The following CYP20A1 variants were observed in gnomAD, a reference collection of about 807,000 sequenced individuals.
The protein encoded by CYP20A1 is cytochrome P450 family 20 subfamily A member 1, also known as cytochrome P450 20A1.
A neutral mutation model predicts 61.4 loss-of-function variants in CYP20A1; 61 were observed. The observed-to-expected ratio is 0.99, with a 90% CI of 0.81 to 1.23. The LOEUF is 1.23. Ranked by LOEUF, CYP20A1 falls within the 50% of genes most tolerant of loss-of-function variation. The probability of loss-of-function intolerance (pLI) is 0.00; values close to 1 mark genes in which losing one functional copy is unlikely to be tolerated. For missense variants in CYP20A1, 530 were observed against 542.4 expected, an observed-to-expected ratio of 0.98 and a Z score of 0.23; for synonymous variants, 193 against 188.2, an observed-to-expected ratio of 1.03 and a Z score of -0.21.
intron 1 of CYP20A1, among the ~76,000 whole-genome samples, chr2:203,244,915 G>C (rs530106646): frequency 1.1e-4 from 16 of 151,762 alleles, no homozygotes; most frequent in Non-Finnish European, 1.5e-4. Context: ...TGTATTTTTA[G>C]TAGAGACGGG....
chr2:203,279,981 C>A, intron 7 of CYP20A1, 78 bp from the exon 8 acceptor site: 3 of 882,216 alleles, frequency 3.4e-6, no homozygotes, highest in South Asian at 4.7e-5. Context: ...TAATTTTATG[C>A]TGTAGATTAT....
In CYP20A1 at chr2:203,274,872, A is replaced by G. The variant is rs561338804; in HGVS notation, c.679+2124A>G. 2.6e-4 allele frequency among the ~76,000 whole-genome samples: 40 copies of G among 152,384 alleles called. 1 individual carries two copies. The highest frequency in any genetic ancestry group is 3.5e-4 in the Non-Finnish European group (24 of 68,042). On this transcript the variant is annotated intron_variant, in intron 6 of 12. Transcript: ENST00000356079. ...AATGTATTTCAGAAATATTGGTTAA[A>G]TTAACATGAAATGAAAATAATTTAT...
At chr2:203,256,406 CT>C in intron 4 of CYP20A1, among the ~76,000 whole-genome samples, 1 of 152,248 alleles carries the variant, frequency 6.6e-6, no homozygotes, top group Middle Eastern at 3.4e-3. Context: ...GTCTGCCAGG[CT>C]GGAGTGCAGT....
At chr2:203,257,972 G>C (rs2066970675) in intron 4 of CYP20A1, among the ~76,000 whole-genome samples, 1 of 152,182 alleles carries the variant, frequency 6.6e-6, no homozygotes, top group Non-Finnish European at 1.5e-5. Context: ...CACAATTATA[G>C]CTCACTGGAG....
chr2:203,241,831 A>T (rs1452773776), intron 1 of CYP20A1, among the ~76,000 whole-genome samples: 3 of 152,010 alleles, frequency 2.0e-5, no homozygotes, highest in African/African-American at 7.2e-5. Context: ...CACCTGGCTA[A>T]TTTTTAAATT....
chr2:203,249,350 A>G (rs1659211406), intron 3 of CYP20A1, among the ~76,000 whole-genome samples: 1 of 152,194 alleles, frequency 6.6e-6, no homozygotes, highest in Non-Finnish European at 1.5e-5. Context: ...CTGTCTCTAA[A>G]TTAAAAACAA....
intron 5 of CYP20A1, among the ~76,000 whole-genome samples, chr2:203,271,656 C>T (rs1207074633): frequency 6.6e-6 from 1 of 152,092 alleles, no homozygotes; most frequent in Non-Finnish European, 1.5e-5. Context: ...TTTTTCTTTA[C>T]CTCAGCCAAT....
intron 8 of CYP20A1, among the ~76,000 whole-genome samples, chr2:203,283,866 G>A (rs2068152074): frequency 6.6e-6 from 1 of 152,062 alleles, no homozygotes; most frequent in African/African-American, 2.4e-5. Context: ...AATTTTAAGT[G>A]ATAATATAGT....
chr2:203,252,896 C>G (rs1466036542), intron 4 of CYP20A1, among the ~76,000 whole-genome samples: 1 of 152,238 alleles, frequency 6.6e-6, no homozygotes, highest in African/African-American at 2.4e-5. Context: ...CTTCCCCACT[C>G]CTAGTTCCTA....
At chr2:203,278,187 T>C (rs553787356) in intron 6 of CYP20A1, among the ~76,000 whole-genome samples, 40 of 152,228 alleles carry the variant, frequency 2.6e-4, no homozygotes, top group Admixed American at 6.5e-4. Context: ...GATGGGAGAA[T>C]CACCTGAGCC....
intron 11 of CYP20A1, among the ~76,000 whole-genome samples, chr2:203,294,869 G>C (rs189658326): frequency 6.7e-6 from 1 of 149,582 alleles, no homozygotes; most frequent in Non-Finnish European, 1.5e-5. Context: ...TTTTGACCTC[G>C]TGATCACCTG....
chr2:203,292,301 C>T lies in CYP20A1; in HGVS notation c.1123C>T (p.Pro375Ser). 6.2e-7 allele frequency: 1 copy of T among 1,612,790 alleles called. No homozygotes were observed. Among genetic ancestry groups the T allele is most frequent in the Non-Finnish European group, 8.5e-7 (1 of 1,179,284 alleles). ...TGCCCTTGGTGTGGTACTTCAGGATCCTAATACTTGGCCATCTCCACACAA... is the reference window on the plus strand; with the variant it reads ...TGCCCTTGGTGTGGTACTTCAGGATTCTAATACTTGGCCATCTCCACACAA... ...LYALGVVLQD[P>S]NTWPSPHKFD... The change falls in exon 11 of 13, where the codon CCT becomes TCT. Residue 375 changes from proline (P) to serine (S), a missense_variant. Pro to Ser is a moderately conservative substitution (Grantham distance 74, BLOSUM62 -1). Coordinates refer to ENST00000356079, the MANE Select transcript of CYP20A1 (RefSeq NM_177538.3).
At chr2:203,258,924 A>C (rs2105930385) in intron 4 of CYP20A1, among the ~76,000 whole-genome samples, 1 of 152,308 alleles carries the variant, frequency 6.6e-6, no homozygotes, top group Middle Eastern at 3.4e-3. Flanking sequence ...TTTTGTATTT[A>C]ATTGTGTATC....
At position 203,300,944 on chromosome 2, in the gene CYP20A1, C is replaced by A. The variant is rs555284477; in HGVS notation, c.*4036C>A. 4.3e-4 allele frequency among the ~76,000 whole-genome samples: 64 copies of A among 147,220 alleles called. No homozygotes were observed. The highest frequency in any genetic ancestry group is 1.5e-3 in the African/African-American group (58 of 39,960). The stretch of plus-strand genomic sequence containing the variant: ...AGGCGAGGTGGCTCACACCTGTAAT[C>A]CCAGCACTTTGGGAGGCTGAGGCGG... On this transcript the variant is annotated 3_prime_UTR_variant, in exon 13 of 13. Transcript: ENST00000356079.
chr2:203,281,307 G>T (rs1054001851), intron 8 of CYP20A1, among the ~76,000 whole-genome samples: 2 of 151,926 alleles, frequency 1.3e-5, no homozygotes, highest in Non-Finnish European at 2.9e-5. Context: ...AGAAATTTGG[G>T]ACCAGCCTGG....
At chr2:203,266,404 C>T in intron 4 of CYP20A1, 110 bp from the exon 5 acceptor site, 1 of 909,396 alleles carries the variant, frequency 1.1e-6, no homozygotes, top group East Asian at 2.6e-5. Context: ...TGAATGTTGA[C>T]TTTGGTTACA....
chr2:203,251,797 A>G (rs1320470696), intron 3 of CYP20A1, among the ~76,000 whole-genome samples, 170 bp from the exon 4 acceptor site: 9 of 80,082 alleles, frequency 1.1e-4, no homozygotes, highest in Non-Finnish European at 1.7e-4. Flanking sequence ...ATATGTGTAT[A>G]TATATATATA....
At chr2:203,278,327 G>C (rs945810211) in intron 6 of CYP20A1, among the ~76,000 whole-genome samples, 1 of 152,130 alleles carries the variant, frequency 6.6e-6, no homozygotes, top group African/African-American at 2.4e-5. Context: ...TGACCTAGGT[G>C]GTTGGTGGTG....
intron 3 of CYP20A1, among the ~76,000 whole-genome samples, chr2:203,249,028 A>G (rs539427095): frequency 1.8e-4 from 27 of 152,272 alleles, no homozygotes; most frequent in African/African-American, 6.5e-4. Flanking sequence ...TATTTCTTAT[A>G]TAAAAATAAA....
Sources: allele counts gnomAD v4.1 joint callset (sites outside exome capture counted in the v4.1 genomes callset), GRCh38; gene constraint gnomAD v4.1.1; transcripts MANE v1.5; gene names NCBI Gene and HGNC (gene_info 2026-07-23, HGNC 2026-07-21).